STXBP5L: variants seen among roughly 807,000 people sequenced by gnomAD.
The protein encoded by STXBP5L is syntaxin-binding protein 5-like.
STXBP5L carries 65 observed loss-of-function variants against 144.5 expected under a neutral mutation model. The ratio of observed to expected loss-of-function variants is 0.45; its 90% CI spans 0.37 to 0.55. The LOEUF (loss-of-function observed/expected upper bound fraction) is 0.55, where lower values mean the gene tolerates loss of function less well. Among genes scored for constraint, STXBP5L ranks in the 20% least tolerant of loss-of-function variants. The pLI, the probability that STXBP5L is intolerant of heterozygous loss-of-function variation, is 0.00. For synonymous variants in STXBP5L, 505 were observed against 469.6 expected, an observed-to-expected ratio of 1.08 and a Z score of -0.97; for missense variants, 1,298 against 1,405.5, an observed-to-expected ratio of 0.92 and a Z score of 1.22.
intron 7 of STXBP5L, among the ~76,000 whole-genome samples, chr3:121,129,575 C>G (rs1341939643): frequency 1.3e-5 from 2 of 151,986 alleles, no homozygotes; most frequent in Non-Finnish European, 2.9e-5. Context: ...TTAGTGAAAT[C>G]TTTTTTTCAC....
chr3:121,038,556 A>T (rs1162220459), intron 3 of STXBP5L, among the ~76,000 whole-genome samples: 3 of 152,040 alleles, frequency 2.0e-5, no homozygotes, highest in Middle Eastern at 3.4e-3. Flanking sequence ...ATATTTCAAA[A>T]GTATATTTAT....
chr3:121,121,589 T>C, intron 6 of STXBP5L, 52 bp from the exon 7 acceptor site: 1 of 1,287,742 alleles, frequency 7.8e-7, no homozygotes, highest in Non-Finnish European at 1.1e-6. Context: ...TCTCTAGTGG[T>C]AAGGTATTTT....
At chr3:121,175,810 T>C (rs1366061459) in intron 9 of STXBP5L, among the ~76,000 whole-genome samples, 1 of 151,614 alleles carries the variant, frequency 6.6e-6, no homozygotes, top group Non-Finnish European at 1.5e-5. Context: ...CTACATGTTG[T>C]CTACAGGAAA....
chr3:121,251,374 A>C (rs1165648082), intron 15 of STXBP5L, among the ~76,000 whole-genome samples: 2 of 152,134 alleles, frequency 1.3e-5, no homozygotes, highest in East Asian at 3.9e-4. Flanking sequence ...CAATATAAGA[A>C]CTCTCAATGC....
chr3:121,175,552 G>C (rs1559825744), intron 9 of STXBP5L, among the ~76,000 whole-genome samples: 2 of 151,680 alleles, frequency 1.3e-5, no homozygotes, highest in East Asian at 3.9e-4. Context: ...TTAAACCCTG[G>C]GACAATCACT....
intron 3 of STXBP5L, among the ~76,000 whole-genome samples, chr3:120,974,863 T>C (rs374586875): frequency 5.3e-5 from 8 of 152,050 alleles, no homozygotes; most frequent in East Asian, 1.9e-4. Flanking sequence ...AGATATGCGG[T>C]GTTATTTCTG....
chr3:121,270,993 T>G (rs1006076559), intron 18 of STXBP5L, among the ~76,000 whole-genome samples: 2 of 152,190 alleles, frequency 1.3e-5, no homozygotes, highest in Non-Finnish European at 2.9e-5. Context: ...ATCTACCAGG[T>G]TTCTCCACTA....
intron 20 of STXBP5L, among the ~76,000 whole-genome samples, chr3:121,339,828 A>C (rs11713725): frequency 0.76 from 113,374 of 150,112 alleles, 42,921 homozygotes; most frequent in East Asian, 0.93. Context: ...AAAAAAAAAA[A>C]CTAGGAATAC....
intron 3 of STXBP5L, among the ~76,000 whole-genome samples, chr3:121,033,547 T>A (rs1946526436): frequency 7.3e-6 from 1 of 136,188 alleles, no homozygotes; most frequent in African/African-American, 2.8e-5. Flanking sequence ...AATGTGAACA[T>A]GTACCCTAAA....
chr3:121,196,834 T>TGA (rs1577183891), intron 9 of STXBP5L, among the ~76,000 whole-genome samples: 1 of 131,972 alleles, frequency 7.6e-6, no homozygotes, highest in African/African-American at 2.7e-5. Context: ...CATGCCCAGA[T>TGA]TATTGATTGA....
At chr3:121,102,511 G>A (rs2043484690) in intron 5 of STXBP5L, among the ~76,000 whole-genome samples, 1 of 152,066 alleles carries the variant, frequency 6.6e-6, no homozygotes, top group Non-Finnish European at 1.5e-5. Context: ...CTACCCATAT[G>A]CAGAAAAATG....
chr3:121,075,056 G>T (rs1158739082), intron 5 of STXBP5L, among the ~76,000 whole-genome samples: 1 of 152,080 alleles, frequency 6.6e-6, no homozygotes, highest in African/African-American at 2.4e-5. Flanking sequence ...TAGGCTCCTT[G>T]GGGCCTAATG....
At chr3:121,008,856 A>T (rs1944553172) in intron 3 of STXBP5L, among the ~76,000 whole-genome samples, 1 of 152,034 alleles carries the variant, frequency 6.6e-6, no homozygotes, top group Admixed American at 6.6e-5. Flanking sequence ...CATATTTAGA[A>T]TATGTAGCAA....
intron 3 of STXBP5L, among the ~76,000 whole-genome samples, chr3:120,969,748 T>A (rs1940026561): frequency 6.6e-6 from 1 of 152,064 alleles, no homozygotes; most frequent in Non-Finnish European, 1.5e-5. Context: ...TCCAGTTTTA[T>A]TTTTCTACAT....
chr3:120,941,027 TTTTAAG>T (rs541995989), intron 2 of STXBP5L, among the ~76,000 whole-genome samples: 12 of 151,964 alleles, frequency 7.9e-5, no homozygotes, highest in African/African-American at 2.2e-4. Context: ...GACACTTTTC[TTTTAAG>T]TTTAAGTACT....
At chr3:121,378,627 T>C (rs2046251002) in intron 20 of STXBP5L, 89 bp from the exon 21 acceptor site, 4 of 1,314,380 alleles carry the variant, frequency 3.0e-6, no homozygotes, top group East Asian at 5.1e-5. Flanking sequence ...GAATTGTTGC[T>C]CATCTTCATT....
intron 3 of STXBP5L, among the ~76,000 whole-genome samples, chr3:120,988,230 C>T (rs751322106): frequency 6.6e-6 from 1 of 150,900 alleles, no homozygotes; most frequent in South Asian, 2.1e-4. Context: ...GGTGCTCTGT[C>T]TTTTGTAAGG....
intron 5 of STXBP5L, among the ~76,000 whole-genome samples, chr3:121,059,022 G>T (rs918185383): frequency 6.6e-6 from 1 of 152,080 alleles, no homozygotes. Context: ...ATTGCTTTTG[G>T]TGTTTTAGTC....
Position 121,413,185 on chromosome 3 carries a change from T to C in STXBP5L, c.2976T>C (p.Asp992=), listed in dbSNP as rs757279142. 4 of 1,605,098 alleles carry C rather than the reference T, an allele frequency of 2.5e-6. No homozygotes were observed. The highest frequency in any genetic ancestry group is 2.5e-6 in the Non-Finnish European group (3 of 1,177,124). ...TACCTAGTCTTCGCCCAATGTTGGA[T>C]GTTAATTATTTGCCACTGACAGACA... is the stretch of plus-strand genomic sequence containing the variant. ...MSLPSLRPML[D]VNYLPLTDMR... Residue 992 remains aspartate (D), a synonymous_variant, in exon 24 of 27, where the codon GAT becomes GAC. Transcript: ENST00000471454.
Sources: allele counts gnomAD v4.1 joint callset (sites outside exome capture counted in the v4.1 genomes callset), GRCh38; gene constraint gnomAD v4.1.1; transcripts MANE v1.5; gene names NCBI Gene and HGNC (gene_info 2026-07-23, HGNC 2026-07-21).